The following CYP4F3 variants were observed in gnomAD, a reference collection of about 807,000 sequenced individuals.
The protein encoded by CYP4F3 is cytochrome P450 family 4 subfamily F member 3.
A neutral mutation model predicts 54.8 loss-of-function variants in CYP4F3; 50 were observed. The ratio of observed to expected loss-of-function variants is 0.91; its 90% CI spans 0.73 to 1.16. CYP4F3 has a LOEUF of 1.16. Among genes scored for constraint, CYP4F3 ranks in the 50% most tolerant of loss-of-function variants. The pLI is 0.00. For synonymous variants in CYP4F3, 244 were observed against 262.6 expected (o/e 0.93, Z 0.69); for missense variants, 715 against 676.2 (o/e 1.06, Z -0.64).
chr19:15,650,729 T>C (rs1972795935), intron 7 of CYP4F3, among the ~76,000 whole-genome samples: 1 of 119,918 alleles, frequency 8.3e-6, no homozygotes, highest in Admixed American at 8.8e-5. Context: ...TCTTTCTTTC[T>C]TTCTTTCTTT....
In CYP4F3 at chr19:15,659,620, A is replaced by G. The variant is rs1216107468; in HGVS notation, c.*235A>G. ...CCCCAAGCTATATATTACCAGATGA[A>G]AGGATAAACAAAATATGGTCCATCC... is the stretch of plus-strand genomic sequence containing the variant. On this transcript the variant is annotated 3_prime_UTR_variant, in exon 13 of 13. Coordinates refer to ENST00000221307, the MANE Select transcript of CYP4F3 (RefSeq NM_000896.3). The G allele has an allele frequency of 6.3e-6, 4 of 631,524 alleles. No homozygotes were observed. In the African/African-American group the frequency reaches 7.5e-5, roughly 12 times the overall value. The allele number at this position is 631,524 out of a possible 1,614,324, so 39.1% of individuals were successfully genotyped here. A position where few individuals can be genotyped will look rare whatever the true frequency, so the allele number is the denominator to read the frequency against.
At chr19:15,655,703 C>T (rs188823700) in intron 9 of CYP4F3, among the ~76,000 whole-genome samples, 12 of 152,252 alleles carry the variant, frequency 7.9e-5, no homozygotes, top group Non-Finnish European at 1.5e-4. Flanking sequence ...AAAATAGACA[C>T]GGGTCTGCAT....
Position 15,658,413 on chromosome 19 carries a change from G to A in CYP4F3, c.1249+16G>A. The stretch of plus-strand genomic sequence containing the variant: ...ATCCCCAAAGGTGCCACAGCCTCAG[G>A]GGGAGGAGCCTCCTGGGTAGGAAGA... On this transcript the variant is annotated intron_variant, in intron 10 of 12. Coordinates refer to ENST00000221307, the MANE Select transcript of CYP4F3 (RefSeq NM_000896.3). 6.2e-7 allele frequency: 1 copy of A among 1,613,736 alleles called. No homozygotes were observed. The highest frequency in any genetic ancestry group is 8.5e-7 in the Non-Finnish European group (1 of 1,179,770).
intron 9 of CYP4F3, 182 bp from the exon 10 acceptor site, chr19:15,658,082 T>TG: frequency 2.1e-6 from 2 of 965,308 alleles, no homozygotes; most frequent in Non-Finnish European, 2.5e-6. Context: ...TGCTGTTCCA[T>TG]GGGTCTATTT....
chr19:15,646,504 T>C (rs1192549832), intron 3 of CYP4F3, among the ~76,000 whole-genome samples: 1 of 152,246 alleles, frequency 6.6e-6, no homozygotes, highest in Non-Finnish European at 1.5e-5. Flanking sequence ...ATATTCAACC[T>C]GGAGCCTGTA....
intron 2 of CYP4F3, among the ~76,000 whole-genome samples, chr19:15,643,409 G>T (rs4808345): frequency 0.04 from 1,117 of 27,856 alleles, 27 homozygotes; most frequent in East Asian, 0.34. Context: ...TAGGTAAATA[G>T]ATAGATAGAT....
At chr19:15,653,017 A>T in intron 9 of CYP4F3, 65 bp downstream of exon 9, 1 of 1,526,510 alleles carries the variant, frequency 6.6e-7, no homozygotes, top group Non-Finnish European at 8.8e-7. Flanking sequence ...CCAGGTAGGG[A>T]GGGGAGAAGG....
chr19:15,647,344 G>A lies in CYP4F3; in HGVS notation c.525+20G>A, dbSNP rs768726416. 3.1e-6 allele frequency: 5 copies of A among 1,613,902 alleles called. No homozygotes were observed. Among genetic ancestry groups the A allele is most frequent in the Non-Finnish European group, 3.4e-6 (4 of 1,179,774 alleles). On this transcript the variant is annotated intron_variant, in intron 5 of 12. Coordinates refer to ENST00000221307, the MANE Select transcript of CYP4F3 (RefSeq NM_000896.3). ...ATGCATGTGAGTTATTTGAAGCCAA[G>A]GTCCCAGCTGCAGCCTTTGGTTGGG...
chr19:15,649,304 G>A (rs1230246499), intron 6 of CYP4F3, 23 bp downstream of exon 6: 1 of 1,612,030 alleles, frequency 6.2e-7, no homozygotes, highest in African/African-American at 1.3e-5. Context: ...CCAGGGTCTG[G>A]GATCCTGGGC....
Position 15,661,288 on chromosome 19 carries a change from C to CAAAACAAAACA in CYP4F3, c.*1918_*1928dup, listed in dbSNP as rs749141549. On this transcript the variant is annotated 3_prime_UTR_variant, in exon 13 of 13. Transcript: ENST00000221307. ...GTCTCAAAAACAAAACAAAACAAAA[C>CAAAACAAAACA]AAAACAAAACAAAAACAAAACAAAA... The CAAAACAAAACA allele has an allele frequency of 6.6e-6, 1 of 151,530 alleles. No individual in the cohort carries two copies. Among genetic ancestry groups the CAAAACAAAACA allele is most frequent in the South Asian group, 2.1e-4 (1 of 4,808 alleles). The allele number at this position is 151,530 out of a possible 1,614,324, so 9.4% of individuals were successfully genotyped here.
chr19:15,649,763 C>G, intron 6 of CYP4F3, 150 bp from the exon 7 acceptor site: 19 of 1,161,112 alleles, frequency 1.6e-5, no homozygotes, highest in East Asian at 4.8e-5. Flanking sequence ...GAGTCGATTT[C>G]ATGCTGATCC....
chr19:15,642,758 G>A (rs1224317701), intron 2 of CYP4F3, among the ~76,000 whole-genome samples: 1 of 152,204 alleles, frequency 6.6e-6, no homozygotes, highest in Non-Finnish European at 1.5e-5. Context: ...TAGGATAGAT[G>A]GATGGATGGA....
At chr19:15,643,177 G>A (rs1445167746) in intron 2 of CYP4F3, among the ~76,000 whole-genome samples, 1 of 150,848 alleles carries the variant, frequency 6.6e-6, no homozygotes, top group Non-Finnish European at 1.5e-5. Flanking sequence ...AGATAGGTAG[G>A]TAGATAGATA....
rs1973161376 is a variant in CYP4F3 at position 15,660,643 on chromosome 19, G to A, written c.*1258G>A. ...ACCACAGAAGTAATTTTCAAAGTAAGTCTCTGCCCTAGGCACATCAGATCA... is the reference window on the plus strand; with the variant it reads ...ACCACAGAAGTAATTTTCAAAGTAAATCTCTGCCCTAGGCACATCAGATCA... On this transcript the variant is annotated 3_prime_UTR_variant, in exon 13 of 13. Transcript: ENST00000221307. The A allele has an allele frequency of 6.6e-6, 1 of 152,112 alleles. No homozygotes were observed. The highest frequency in any genetic ancestry group is 2.4e-5 in the African/African-American group (1 of 41,394). 9.4% of individuals were successfully genotyped at this position (152,112 alleles called of 1,614,324 possible).
At chr19:15,643,641 G>T (rs112914192) in intron 2 of CYP4F3, among the ~76,000 whole-genome samples, 1 of 152,136 alleles carries the variant, frequency 6.6e-6, no homozygotes, top group Non-Finnish European at 1.5e-5. Flanking sequence ...AAGGGCAGGA[G>T]AAGATGGATG....
At chr19:15,655,890 T>C (rs1599909801) in intron 9 of CYP4F3, among the ~76,000 whole-genome samples, 2 of 152,338 alleles carry the variant, frequency 1.3e-5, no homozygotes, top group East Asian at 3.9e-4. Flanking sequence ...AATGAACAAA[T>C]CCATCACTTC....
At chr19:15,648,662 A>T (rs1393797817) in intron 5 of CYP4F3, among the ~76,000 whole-genome samples, 2 of 152,190 alleles carry the variant, frequency 1.3e-5, no homozygotes, top group African/African-American at 4.8e-5. Flanking sequence ...ATTCCATGAT[A>T]CGAGTATATA....
intron 9 of CYP4F3, among the ~76,000 whole-genome samples, chr19:15,657,195 G>T (rs1376446089): frequency 6.6e-6 from 1 of 152,216 alleles, no homozygotes; most frequent in Non-Finnish European, 1.5e-5. Flanking sequence ...TGGACATGAA[G>T]CTGTCAGCAC....
rs1972462491 is a variant in CYP4F3, at chr19:15,641,517, C to G, written c.102C>G (p.Ile34Met). The G allele has an allele frequency of 6.2e-7, 1 of 1,614,068 alleles. No homozygotes were observed. The highest frequency in any genetic ancestry group is 8.5e-7 in the Non-Finnish European group (1 of 1,180,048). Residue 34 changes from isoleucine to methionine, a missense_variant, in exon 2 of 13, where the codon ATC becomes ATG. Physicochemically the swap from Ile to Met is conservative, Grantham distance 10. Transcript: ENST00000221307. ...GGGCCTCCTGGCTCCTGGCCCGCATCCTGGCCTGGACCTATACCTTCTATG... is the reference window on the plus strand; with the variant it reads ...GGGCCTCCTGGCTCCTGGCCCGCATGCTGGCCTGGACCTATACCTTCTATG... Reference protein sequence around the residue: ...LVGASWLLARILAWTYTFYDN... With the variant: ...LVGASWLLARMLAWTYTFYDN...
Sources: allele counts gnomAD v4.1 joint callset (sites outside exome capture counted in the v4.1 genomes callset), GRCh38; gene constraint gnomAD v4.1.1; transcripts MANE v1.5; gene names NCBI Gene and HGNC (gene_info 2026-07-23, HGNC 2026-07-21).